The following NAA35 variants were observed in gnomAD, a reference collection of about 807,000 sequenced individuals.
The protein encoded by NAA35 is MAK10 homolog, amino-acid N-acetyltransferase subunit.
In NAA35, 18 loss-of-function variants were observed where a neutral mutation model predicts 101.7. That is an observed-to-expected ratio of 0.18 (90% CI 0.12 to 0.26). NAA35 has a LOEUF of 0.26. Among genes scored for constraint, NAA35 ranks in the 10% least tolerant of loss-of-function variants. NAA35 has a pLI of 1.00. For missense variants in NAA35, 601 were observed against 886.8 expected (o/e 0.68, Z 4.09); for synonymous variants, 267 against 273.1 (o/e 0.98, Z 0.22).
At chr9:86,015,989 C>T (rs1401060712) in intron 17 of NAA35, among the ~76,000 whole-genome samples, 1 of 150,916 alleles carries the variant, frequency 6.6e-6, no homozygotes, top group African/African-American at 2.4e-5. Flanking sequence ...AATTATAGGC[C>T]TTATTATGTT....
intron 11 of NAA35, among the ~76,000 whole-genome samples, chr9:85,991,897 G>A (rs1043763262): frequency 3.9e-5 from 6 of 152,244 alleles, no homozygotes; most frequent in South Asian, 2.1e-4. Flanking sequence ...TGGATGGGCC[G>A]GGCGTGGTGG....
Position 86,013,687 on chromosome 9 carries a change from C to T in NAA35, c.1390-32C>T, listed in dbSNP as rs770864303. The T allele has an allele frequency of 1.9e-5, 30 of 1,560,294 alleles. No homozygotes were observed. The Admixed American group carries it at 2.1e-4, about 11-fold the overall frequency. On this transcript the variant is annotated intron_variant, in intron 16 of 22. Coordinates refer to ENST00000361671, the MANE Select transcript of NAA35 (RefSeq NM_024635.4). ...CTGTCATTACCTTAAGAAAACAAAA[C>T]GAACACAGTTTATGACATTTTATTT... is the stretch of plus-strand genomic sequence containing the variant.
intron 21 of NAA35, among the ~76,000 whole-genome samples, chr9:86,019,164 AGTTTGTTAAAGGGGCCAGGCGT>A (rs1273007624): frequency 6.6e-6 from 1 of 152,214 alleles, no homozygotes; most frequent in African/African-American, 2.4e-5. Context: ...TTTAATCAGT[AGTTTGTTAAAGGGGCCAGGCGT>A]GGTGGCTCAC....
At position 85,974,275 on chromosome 9, in the gene NAA35, T is replaced by C. The variant is rs149794039; in HGVS notation, c.517-692T>C. On this transcript the variant is annotated intron_variant, in intron 6 of 22. Transcript: ENST00000361671. Reference sequence around the variant, plus strand: ...TGCCCAGCCCCTAGCTATGTTTTTATAGGAATTATAGTAGGCAGAAACACT... The same window carrying C: ...TGCCCAGCCCCTAGCTATGTTTTTACAGGAATTATAGTAGGCAGAAACACT... 3.9e-3 allele frequency among the ~76,000 whole-genome samples: 599 copies of C among 152,230 alleles called. 4 individuals are homozygous for C. The highest frequency in any genetic ancestry group is 0.012 in the African/African-American group (516 of 41,552).
chr9:85,953,217 ATTTT>A (rs750967213), intron 2 of NAA35, among the ~76,000 whole-genome samples: 4 of 126,000 alleles, frequency 3.2e-5, no homozygotes, highest in Admixed American at 8.2e-5. Flanking sequence ...GCCTCAAGAG[ATTTT>A]TTTTTTTTTT....
chr9:85,959,415 T>C (rs73474708), intron 4 of NAA35, among the ~76,000 whole-genome samples: 6,696 of 151,742 alleles, frequency 0.044, 477 homozygotes, highest in African/African-American at 0.15. Flanking sequence ...TAGTTTTCTT[T>C]CTAAGTAGTT....
chr9:85,949,189 TC>T (rs1828896409), intron 2 of NAA35, among the ~76,000 whole-genome samples: 1 of 152,204 alleles, frequency 6.6e-6, no homozygotes. Context: ...CCTAACTTTT[TC>T]CTATACTCTC....
At chr9:85,970,132 CTG>C (rs2117980060) in intron 6 of NAA35, among the ~76,000 whole-genome samples, 1 of 152,276 alleles carries the variant, frequency 6.6e-6, no homozygotes, top group East Asian at 1.9e-4. Flanking sequence ...TGGTTCTTGA[CTG>C]TTATCTCTTT....
intron 6 of NAA35, 144 bp downstream of exon 6, chr9:85,962,324 C>T: frequency 1.6e-6 from 1 of 637,924 alleles, no homozygotes; most frequent in East Asian, 3.3e-5. Context: ...AACACTGTCT[C>T]TACTAAAAAT....
chr9:86,018,671 T>G (rs775407780), intron 20 of NAA35, 28 bp from the exon 21 acceptor site: 1 of 1,596,966 alleles, frequency 6.3e-7, no homozygotes, highest in Non-Finnish European at 8.5e-7. Flanking sequence ...TTAAACGTGT[T>G]TTGAATTATA....
At chr9:86,012,164 G>T (rs1831966734) in intron 15 of NAA35, among the ~76,000 whole-genome samples, 1 of 149,078 alleles carries the variant, frequency 6.7e-6, no homozygotes, top group Admixed American at 6.7e-5. Context: ...CTGTTGCCCA[G>T]GCTGGAGTGC....
intron 2 of NAA35, among the ~76,000 whole-genome samples, chr9:85,955,022 A>G (rs1829177485): frequency 6.6e-6 from 1 of 151,668 alleles, no homozygotes; most frequent in Admixed American, 6.6e-5. Context: ...GGTTTAAGTG[A>G]TTCTCCTGCC....
intron 8 of NAA35, 39 bp downstream of exon 8, chr9:85,975,196 C>T: frequency 6.3e-7 from 1 of 1,584,164 alleles, no homozygotes; most frequent in Non-Finnish European, 8.6e-7. Context: ...TTTTGGTACA[C>T]TTCTAAATGT....
chr9:86,003,733 C>A, intron 13 of NAA35, 89 bp downstream of exon 13: 1 of 728,396 alleles, frequency 1.4e-6, no homozygotes, highest in Non-Finnish European at 2.1e-6. Context: ...AAGGTAGATG[C>A]TTTTAAAGGA....
chr9:85,963,430 C>T (rs917586906), intron 6 of NAA35, among the ~76,000 whole-genome samples: 14 of 151,820 alleles, frequency 9.2e-5, no homozygotes, highest in African/African-American at 3.4e-4. Context: ...ACCACCATGC[C>T]TGGCTAATTT....
intron 12 of NAA35, among the ~76,000 whole-genome samples, chr9:85,997,848 T>C (rs1176933247): frequency 6.6e-6 from 1 of 152,170 alleles, no homozygotes; most frequent in Non-Finnish European, 1.5e-5. Context: ...TAAATGTGTA[T>C]ATATATGCTG....
intron 17 of NAA35, among the ~76,000 whole-genome samples, chr9:86,014,885 C>G (rs1832126514): frequency 6.6e-6 from 1 of 152,134 alleles, no homozygotes; most frequent in Admixed American, 6.5e-5. Context: ...TATATAGCTA[C>G]TTTGGATACT....
chr9:85,982,679 A>G (rs888199333), intron 11 of NAA35, among the ~76,000 whole-genome samples: 2 of 152,200 alleles, frequency 1.3e-5, no homozygotes, highest in African/African-American at 4.8e-5. Flanking sequence ...TTTCAAGAGG[A>G]CTTGTCATCT....
chr9:85,961,558 G>A (rs759272495), intron 5 of NAA35, among the ~76,000 whole-genome samples: 1 of 152,112 alleles, frequency 6.6e-6, no homozygotes, highest in Non-Finnish European at 1.5e-5. Context: ...CTAGTTGGGG[G>A]TATTAAATTA....
Sources: allele counts gnomAD v4.1 joint callset (sites outside exome capture counted in the v4.1 genomes callset), GRCh38; gene constraint gnomAD v4.1.1; transcripts MANE v1.5; gene names NCBI Gene and HGNC (gene_info 2026-07-23, HGNC 2026-07-21).